Variants in ZDHHC13 observed in about 807,000 individuals in gnomAD.
The protein encoded by ZDHHC13 is zDHHC palmitoyltransferase 13.
Under a neutral mutation model 86.0 loss-of-function variants are expected in ZDHHC13, and 85 were observed. That is an observed-to-expected ratio of 0.99 (90% CI 0.83 to 1.18). The LOEUF (loss-of-function observed/expected upper bound fraction) is 1.18, where lower values mean the gene tolerates loss of function less well. ZDHHC13 is among the 50% of genes most tolerant of loss of function. The pLI, the probability that ZDHHC13 is intolerant of heterozygous loss-of-function variation, is 0.00. For synonymous variants in ZDHHC13, 263 were observed against 246.4 expected, an observed-to-expected ratio of 1.07 and a Z score of -0.63; for missense variants, 711 against 730.2, an observed-to-expected ratio of 0.97 and a Z score of 0.30.
chr11:19,146,280 T>A lies in ZDHHC13; in HGVS notation c.273T>A (p.Ile91=), dbSNP rs773772402. 6.2e-7 allele frequency: 1 copy of A among 1,613,288 alleles called. No individual in the cohort carries two copies. The highest frequency in any genetic ancestry group is 8.5e-7 in the Non-Finnish European group (1 of 1,179,638). ...ENVSLLHWAA[I]NNRLDLVKFY... ...TGTCGCTTCTTCATTGGGCTGCTATTAACAACAGACTGGATCTTGTAAAGT... is the reference window on the plus strand; with the variant it reads ...TGTCGCTTCTTCATTGGGCTGCTATAAACAACAGACTGGATCTTGTAAAGT... The change falls in exon 3 of 17, where the codon ATT becomes ATA. Residue 91 remains isoleucine, a synonymous_variant. Coordinates refer to ENST00000446113, the MANE Select transcript of ZDHHC13 (RefSeq NM_019028.3).
rs115922865 is a variant in ZDHHC13, at chr11:19,117,721, C to T, written c.27+445C>T. ...GGCGTCTTAGCACCCGCCTTCACCC[C>T]ACCCAGTCCAGTTTTCGCTCCTGTT... is the stretch of plus-strand genomic sequence containing the variant. On this transcript the variant is annotated intron_variant, in intron 1 of 16. Transcript: ENST00000446113. This position sits in a 1 kb window ranked among gnomAD's most constrained non-coding sequence, Gnocchi z 4.2. 889 of 166,744 alleles carry T rather than the reference C, an allele frequency of 5.3e-3. 7 individuals carry two copies. The highest frequency in any genetic ancestry group is 0.02 in the African/African-American group (825 of 42,204). The allele number at this position is 166,744 out of a possible 1,614,324, so 10.3% of individuals were successfully genotyped here.
At chr11:19,168,437 T>C (rs992538600) in intron 14 of ZDHHC13, 1 of 152,278 alleles carries the variant, frequency 6.6e-6, no homozygotes, top group Non-Finnish European at 1.5e-5. Flanking sequence ...TTAGTTTTTT[T>C]ATTACACATG....
chr11:19,155,024 A>G (rs984952540), intron 8 of ZDHHC13, among the ~76,000 whole-genome samples: 1 of 152,180 alleles, frequency 6.6e-6, no homozygotes, highest in Non-Finnish European at 1.5e-5. Context: ...TACGTTCTCC[A>G]AACATAGCTC....
intron 9 of ZDHHC13, among the ~76,000 whole-genome samples, chr11:19,157,464 C>T (rs1161728120): frequency 1.3e-5 from 2 of 152,204 alleles, no homozygotes; most frequent in East Asian, 1.9e-4. Context: ...ACTACTGTAT[C>T]ACCCAAGAGC....
chr11:19,131,835 C>T (rs1311890569), intron 1 of ZDHHC13, among the ~76,000 whole-genome samples: 1 of 151,982 alleles, frequency 6.6e-6, no homozygotes, highest in Non-Finnish European at 1.5e-5. Context: ...GGTTTCACCA[C>T]ATTGGTCAGG....
chr11:19,126,008 G>A (rs1220052881), intron 1 of ZDHHC13, among the ~76,000 whole-genome samples: 1 of 152,066 alleles, frequency 6.6e-6, no homozygotes, highest in East Asian at 1.9e-4. Flanking sequence ...TCATACAGCT[G>A]TATACCAAAG....
In ZDHHC13 at chr11:19,132,566, C is replaced by T. The variant is rs75202368; in HGVS notation, c.28-10412C>T. 8.0e-3 allele frequency among the ~76,000 whole-genome samples: 1,211 copies of T among 152,252 alleles called. 14 individuals carry two copies. The highest frequency in any genetic ancestry group is 0.028 in the African/African-American group (1,144 of 41,540). On this transcript the variant is annotated intron_variant, in intron 1 of 16. Transcript: ENST00000446113. ...CTCCTGTACAGATTTTTTGGAGCCC[C>T]CTTTTTTCTGGTTGGCTCACTTCTC...
chr11:19,123,780 C>A (rs887106244), intron 1 of ZDHHC13, among the ~76,000 whole-genome samples: 1 of 151,850 alleles, frequency 6.6e-6, no homozygotes, highest in Non-Finnish European at 1.5e-5. Context: ...GTATACCTAA[C>A]AACAACAACA....
intron 1 of ZDHHC13, among the ~76,000 whole-genome samples, chr11:19,140,411 AAAC>A (rs1456528488): frequency 6.6e-6 from 1 of 152,334 alleles, no homozygotes; most frequent in East Asian, 1.9e-4. Flanking sequence ...AAAAGTCAGG[AAAC>A]AACAGGTGCT....
At chr11:19,140,759 C>T (rs1318732777) in intron 1 of ZDHHC13, among the ~76,000 whole-genome samples, 1 of 152,078 alleles carries the variant, frequency 6.6e-6, no homozygotes, top group East Asian at 1.9e-4. Context: ...AGTTCACGTC[C>T]TTTGTGGGGA....
chr11:19,138,870 A>T (rs1469697351), intron 1 of ZDHHC13, among the ~76,000 whole-genome samples: 4 of 152,078 alleles, frequency 2.6e-5, no homozygotes, highest in Non-Finnish European at 5.9e-5. Context: ...ACAACCCTTC[A>T]TGCTAAAAAC....
chr11:19,143,080 C>G lies in ZDHHC13; in HGVS notation c.130C>G (p.Leu44Val). The change falls in exon 2 of 17, where the codon CTT becomes GTT. Residue 44 changes from leucine (L) to valine (V), a missense_variant. Physicochemically the swap from Leu to Val is conservative, Grantham distance 32. Coordinates refer to ENST00000446113, the MANE Select transcript of ZDHHC13 (RefSeq NM_019028.3). The stretch of plus-strand genomic sequence containing the variant: ...TGCCAATGCAAGAGAAGCTCTTCCT[C>G]TTATAGAGGACTCTAGTAACTGTGA... The part of the protein sequence containing the change: ...ELANAREALP[L>V]IEDSSNCDIV... The G allele has an allele frequency of 6.2e-7, 1 of 1,613,334 alleles. No homozygotes were observed. The highest frequency in any genetic ancestry group is 8.5e-7 in the Non-Finnish European group (1 of 1,179,562).
At chr11:19,138,444 C>A (rs1330237996) in intron 1 of ZDHHC13, among the ~76,000 whole-genome samples, 8 of 150,178 alleles carry the variant, frequency 5.3e-5, no homozygotes, top group African/African-American at 2.0e-4. Flanking sequence ...CAAAAAGAGT[C>A]CAGGACCAGA....
intron 2 of ZDHHC13, among the ~76,000 whole-genome samples, chr11:19,145,512 AT>A (rs1268845856): frequency 6.6e-6 from 1 of 152,216 alleles, no homozygotes; most frequent in Admixed American, 6.5e-5. Flanking sequence ...CAGAAGGCCC[AT>A]GTGATCTTTG....
intron 1 of ZDHHC13, among the ~76,000 whole-genome samples, chr11:19,131,711 A>G (rs1043084006): frequency 6.6e-6 from 1 of 151,598 alleles, no homozygotes; most frequent in African/African-American, 2.4e-5. Flanking sequence ...ATCTTGGCTC[A>G]CTGCAACTGC....
chr11:19,163,984 T>C (rs1849984899), intron 11 of ZDHHC13, among the ~76,000 whole-genome samples: 3 of 152,208 alleles, frequency 2.0e-5, no homozygotes, highest in Admixed American at 6.6e-5. Context: ...TCTTTTTTAA[T>C]GTGTGTGTAT....
In ZDHHC13 at chr11:19,166,336, G is replaced by A. The variant is rs1042498649; in HGVS notation, c.1425G>A (p.Leu475=). Reference sequence around the variant, plus strand: ...ACCATCACTATTACATATTCTTCTTGTTTTTCCTTTCCATGGTATGTGGCT... The same window carrying A: ...ACCATCACTATTACATATTCTTCTTATTTTTCCTTTCCATGGTATGTGGCT... ...FGNHHYYIFF[L]FFLSMVCGWI... Residue 475 remains leucine, a synonymous_variant, in exon 14 of 17, where the codon TTG becomes TTA. Transcript: ENST00000446113. The A allele has an allele frequency of 6.2e-7, 1 of 1,611,832 alleles. No individual in the cohort carries two copies. The highest frequency in any genetic ancestry group is 8.5e-7 in the Non-Finnish European group (1 of 1,179,266).
At position 19,129,269 on chromosome 11, in the gene ZDHHC13, T is replaced by A. The variant is rs145723643; in HGVS notation, c.27+11993T>A. On this transcript the variant is annotated intron_variant, in intron 1 of 16. Coordinates refer to ENST00000446113, the MANE Select transcript of ZDHHC13 (RefSeq NM_019028.3). ...TTCTTTTTCCTATTTTATTATGCTG[T>A]CTGGTACTTTAGTACAGTGTTAATT... 5.9e-5 allele frequency among the ~76,000 whole-genome samples: 9 copies of A among 152,374 alleles called. No homozygotes were observed. The East Asian group carries it at 1.7e-3, about 29-fold the overall frequency.
intron 10 of ZDHHC13, among the ~76,000 whole-genome samples, chr11:19,161,818 C>G (rs1849919241): frequency 6.6e-6 from 1 of 152,026 alleles, no homozygotes; most frequent in Non-Finnish European, 1.5e-5. Flanking sequence ...TGGTCAAGTG[C>G]AAAGGAACGA....
Sources: allele counts gnomAD v4.1 joint callset (sites outside exome capture counted in the v4.1 genomes callset), GRCh38; gene constraint gnomAD v4.1.1; non-coding constraint Gnocchi (gnomAD v3.1); transcripts MANE v1.5; gene names NCBI Gene and HGNC (gene_info 2026-07-23, HGNC 2026-07-21).